MARF1: variants seen among roughly 807,000 people sequenced by gnomAD.
MARF1 encodes limkain-b1.
A neutral mutation model predicts 168.2 loss-of-function variants in MARF1; 24 were observed. The observed-to-expected ratio is 0.14, with a 90% CI of 0.10 to 0.20. The LOEUF (loss-of-function observed/expected upper bound fraction) is 0.20, where lower values mean the gene tolerates loss of function less well. Among genes scored for constraint, MARF1 ranks in the 10% least tolerant of loss-of-function variants. The pLI is 1.00. For synonymous variants in MARF1, 868 were observed against 822.4 expected (o/e 1.06, Z -0.95); for missense variants, 1,744 against 2,143.6 (o/e 0.81, Z 3.68).
intron 26 of MARF1, among the ~76,000 whole-genome samples, chr16:15,598,583 C>A (rs901122392): frequency 2.0e-5 from 3 of 151,780 alleles, no homozygotes; most frequent in Non-Finnish European, 2.9e-5. Context: ...GGAGGCCCCA[C>A]CCACCCCTGT....
Position 15,609,722 on chromosome 16 carries a change from C to A in MARF1, c.3755G>T (p.Arg1252Leu). 1 of 1,612,372 alleles carries A rather than the reference C, an allele frequency of 6.2e-7. No individual in the cohort carries two copies. Among genetic ancestry groups the A allele is most frequent in the East Asian group, 2.2e-5 (1 of 44,866 alleles). The change falls in exon 20 of 27, where the codon CGC becomes CTC. Residue 1252 changes from arginine to leucine, a missense_variant. By Grantham distance (102) the Arg-to-Leu change is moderately radical. This residue lies in a region of MARF1 where 543 missense variants were observed against 742.1 expected (regional missense o/e 0.73). Transcript: ENST00000396368. ...TGTCCTTTCTATTTCATCCTGAGTGCGTTCTTTTAAAAAAACCAAAAAACA... is the reference window on the plus strand; with the variant it reads ...TGTCCTTTCTATTTCATCCTGAGTGAGTTCTTTTAAAAAAACCAAAAAACA... ...EMVICIPKRE[R>L]TQDEIERTKQ... is the part of the protein sequence containing the mutation.
chr16:15,623,130 A>C lies in MARF1; in HGVS notation c.2271-7T>G, dbSNP rs763557438. The C allele has an allele frequency of 6.4e-7, 1 of 1,569,366 alleles. No homozygotes were observed. Among genetic ancestry groups the C allele is most frequent in the Non-Finnish European group, 8.7e-7 (1 of 1,147,192 alleles). The stretch of plus-strand genomic sequence containing the variant: ...AAGGTTTGGAGACATACTCCTGCTT[A>C]AAACACACATATTGACATTATTTTA... On this transcript the variant is annotated splice_region_variant and splice_polypyrimidine_tract_variant and intron_variant, in intron 10 of 26. Coordinates refer to ENST00000396368, the MANE Select transcript of MARF1 (RefSeq NM_014647.4).
At chr16:15,629,110 C>G (rs2151247845) in intron 7 of MARF1, among the ~76,000 whole-genome samples, 2 of 151,462 alleles carry the variant, frequency 1.3e-5, no homozygotes, top group South Asian at 4.2e-4. Flanking sequence ...TCTCAGCTCA[C>G]TGCAACCTTC....
chr16:15,623,080 A>C lies in MARF1; in HGVS notation c.2314T>G (p.Phe772Val). 1 of 1,610,162 alleles carries C rather than the reference A, an allele frequency of 6.2e-7. No homozygotes were observed. The highest frequency in any genetic ancestry group is 8.5e-7 in the Non-Finnish European group (1 of 1,176,674). ...TCGCTGCTCGAATTTGCAATGTTGA[A>C]AGCAAGCGGGGATGCTCTGTTTAAA... The part of the protein sequence containing the change: ...NLLNRASPLA[F>V]NIANSSSEAD... The change falls in exon 11 of 27, where the codon TTC becomes GTC. Residue 772 changes from phenylalanine (F) to valine (V), a missense_variant. Around this residue, in one of 7 missense-constraint regions of MARF1, gnomAD observed 270 missense variants for 260.6 expected, o/e 1.04. Coordinates refer to ENST00000396368, the MANE Select transcript of MARF1 (RefSeq NM_014647.4).
At chr16:15,634,970 T>C (rs1223056636) in intron 3 of MARF1, 39 bp from the exon 4 acceptor site, 3 of 1,581,516 alleles carry the variant, frequency 1.9e-6, no homozygotes, top group Non-Finnish European at 2.6e-6. Flanking sequence ...AGGTGTCAGA[T>C]ACATCATTTC....
Position 15,612,614 on chromosome 16 carries a change from T to G in MARF1, c.3417A>C (p.Ser1139=), listed in dbSNP as rs757263708. ...HHHFAKQCRV[S]DYGYSKLIEL... is the part of the protein sequence containing the mutation. ...CAATCAGCTTGGAGTATCCGTAGTCTGACACTCGGCACTGCTTTGCAAAAT... is the reference window on the plus strand; with the variant it reads ...CAATCAGCTTGGAGTATCCGTAGTCGGACACTCGGCACTGCTTTGCAAAAT... The change falls in exon 17 of 27, where the codon TCA becomes TCC. Residue 1139 remains serine (S), a synonymous_variant. Transcript: ENST00000396368. 1 of 1,614,190 alleles carries G rather than the reference T, an allele frequency of 6.2e-7. No individual in the cohort carries two copies. Among genetic ancestry groups the G allele is most frequent in the South Asian group, 1.1e-5 (1 of 91,086 alleles).
chr16:15,617,636 C>T, intron 13 of MARF1, 101 bp from the exon 14 acceptor site: 1 of 768,572 alleles, frequency 1.3e-6, no homozygotes, highest in Non-Finnish European at 2.2e-6. Flanking sequence ...AAGAATGGTT[C>T]CTCCATCTCT....
At chr16:15,602,532 TAAAG>T (rs767327077) in intron 22 of MARF1, 18 of 516,632 alleles carry the variant, frequency 3.5e-5, no homozygotes, top group Admixed American at 1.6e-4. Context: ...AAGACGACGA[TAAAG>T]AAGACGAAGA....
rs748332548 is a variant in MARF1 at position 15,633,752 on chromosome 16, A to G, written c.1098T>C (p.Ser366=). The G allele has an allele frequency of 3.9e-5, 63 of 1,614,176 alleles. No individual in the cohort carries two copies. The South Asian group carries it at 6.4e-4, about 16-fold the overall frequency. ...GCACAACAGCAGTTGCTGACCGGCCAGAGGGAACGGAGCAGTTTTCAATAT... is the reference window on the plus strand; with the variant it reads ...GCACAACAGCAGTTGCTGACCGGCCGGAGGGAACGGAGCAGTTTTCAATAT... ...FWDIENCSVP[S]GRSATAVVQR... Residue 366 remains serine (S), a synonymous_variant, in exon 5 of 27, where the codon TCT becomes TCC. Coordinates refer to ENST00000396368, the MANE Select transcript of MARF1 (RefSeq NM_014647.4).
chr16:15,635,930 G>A lies in MARF1; in HGVS notation c.557C>T (p.Ser186Phe). 1 of 1,614,112 alleles carries A rather than the reference G, an allele frequency of 6.2e-7. No individual in the cohort carries two copies. Among genetic ancestry groups the A allele is most frequent in the Non-Finnish European group, 8.5e-7 (1 of 1,180,042 alleles). The stretch of plus-strand genomic sequence containing the variant: ...ACAACAGGGCAGGTGTTTGCAGGAA[G>A]ACAGGTTACTCTCTAGACACATGCT... ...FPSMCLESNL[S>F]SCKHLPCCGK... The change falls in exon 3 of 27, where the codon TCT becomes TTT. Residue 186 changes from serine (S) to phenylalanine (F), a missense_variant. By Grantham distance (155) the Ser-to-Phe change is radical. Around this residue, in one of 7 missense-constraint regions of MARF1, gnomAD observed 318 missense variants for 336.6 expected, o/e 0.94. Coordinates refer to ENST00000396368, the MANE Select transcript of MARF1 (RefSeq NM_014647.4).
At chr16:15,630,721 T>C (rs2035195480) in intron 6 of MARF1, among the ~76,000 whole-genome samples, 1 of 151,782 alleles carries the variant, frequency 6.6e-6, no homozygotes, top group African/African-American at 2.4e-5. Context: ...CTTTCAGTAT[T>C]AAAAAGGAGC....
intron 21 of MARF1, among the ~76,000 whole-genome samples, chr16:15,606,409 A>G (rs1054764535): frequency 7.2e-5 from 11 of 152,104 alleles, no homozygotes; most frequent in African/African-American, 2.7e-4. Context: ...GCTCTCCCAG[A>G]GTCTACGGTG....
Position 15,634,863 on chromosome 16 carries a change from A to C in MARF1, c.900T>G (p.Pro300=). Residue 300 remains proline (P), a synonymous_variant, in exon 4 of 27, where the codon CCT becomes CCG. Coordinates refer to ENST00000396368, the MANE Select transcript of MARF1 (RefSeq NM_014647.4). The stretch of plus-strand genomic sequence containing the variant: ...TACACAGAGGGACAGCAAGAGGTGC[A>C]GGTTGAGTATTTGGAGGTGGTATAT... ...WPNIPPPNTQ[P]APLAVPLCNG... 1 of 1,614,114 alleles carries C rather than the reference A, an allele frequency of 6.2e-7. No individual in the cohort carries two copies. The highest frequency in any genetic ancestry group is 8.5e-7 in the Non-Finnish European group (1 of 1,179,970).
chr16:15,615,122 A>G (rs1017208797), intron 16 of MARF1, among the ~76,000 whole-genome samples: 1 of 152,154 alleles, frequency 6.6e-6, no homozygotes, highest in Non-Finnish European at 1.5e-5. Context: ...GGCAAGCCAA[A>G]AGCTTCACAA....
rs1416448723 is a variant in MARF1 at position 15,594,542 on chromosome 16, A to G, written c.*2151T>C. 6.6e-6 allele frequency: 1 copy of G among 152,658 alleles called. No individual in the cohort carries two copies. The highest frequency in any genetic ancestry group is 1.5e-5 in the Non-Finnish European group (1 of 68,040). The allele number at this position is 152,658 out of a possible 1,614,324, so 9.5% of individuals were successfully genotyped here. A position where few individuals can be genotyped will look rare whatever the true frequency, so the allele number is the denominator to read the frequency against. On this transcript the variant is annotated 3_prime_UTR_variant, in exon 27 of 27. Transcript: ENST00000396368. ...CAAAACAAACAGTGCAAGATGGGAA[A>G]GGGGGTTTTGGTGATAACTTTTGTC...
chr16:15,626,974 A>AAG (rs1555528258), intron 7 of MARF1, among the ~76,000 whole-genome samples: 7 of 151,300 alleles, frequency 4.6e-5, no homozygotes, highest in Admixed American at 2.6e-4. Flanking sequence ...AAAAAAAAAA[A>AAG]AAAGAAAGAA....
chr16:15,617,414 A>G lies in MARF1; in HGVS notation c.2842T>C (p.Leu948=). The G allele has an allele frequency of 3.7e-6, 6 of 1,614,076 alleles. No individual in the cohort carries two copies. The Admixed American group carries it at 5.0e-5, about 13-fold the overall frequency. ...LPSSQARQSP[L]GSSQSHDGSS... ...CCGTCGTGTGACTGGGAAGACCCCA[A>G]GGGGCTCTGGCGGGCCTGACTGCTG... The change falls in exon 14 of 27, where the codon TTG becomes CTG. Residue 948 remains leucine (L), a synonymous_variant. Coordinates refer to ENST00000396368, the MANE Select transcript of MARF1 (RefSeq NM_014647.4).
chr16:15,620,634 T>G (rs2034389292), intron 12 of MARF1, 103 bp from the exon 13 acceptor site: 1 of 708,238 alleles, frequency 1.4e-6, no homozygotes, highest in African/African-American at 1.8e-5. Context: ...CAAAATAAAT[T>G]TACGGATTTC....
At chr16:15,639,873 C>T (rs1292393794) in intron 1 of MARF1, among the ~76,000 whole-genome samples, 1 of 152,184 alleles carries the variant, frequency 6.6e-6, no homozygotes, top group Non-Finnish European at 1.5e-5. Context: ...ATCTGCCATT[C>T]TTCATGTTTC....
Sources: allele counts gnomAD v4.1 joint callset (sites outside exome capture counted in the v4.1 genomes callset), GRCh38; gene constraint gnomAD v4.1.1; regional missense constraint gnomAD v4.1.1; transcripts MANE v1.5; gene names NCBI Gene and HGNC (gene_info 2026-07-23, HGNC 2026-07-21).